LRRC41: variants seen among roughly 807,000 people sequenced by gnomAD.
The protein encoded by LRRC41 is leucine rich repeat containing 41.
Under a neutral mutation model 72.1 loss-of-function variants are expected in LRRC41, and 17 were observed. That is an observed-to-expected ratio of 0.24 (90% CI 0.16 to 0.35). The LOEUF is 0.35. Ranked by LOEUF, LRRC41 falls within the 10% of genes least tolerant of loss-of-function variation. LRRC41 has a pLI of 1.00. For synonymous variants in LRRC41, 427 were observed against 431.0 expected (o/e 0.99, Z 0.11); for missense variants, 759 against 1,065.0 (o/e 0.71, Z 4.00).
At chr1:46,297,939 A>G (rs957704719) in intron 2 of LRRC41, among the ~76,000 whole-genome samples, 7 of 152,230 alleles carry the variant, frequency 4.6e-5, no homozygotes, top group African/African-American at 1.7e-4. Flanking sequence ...GCCTAGGACA[A>G]TGCTTGACAC....
chr1:46,287,008 G>A (rs1353066580), intron 3 of LRRC41, among the ~76,000 whole-genome samples: 2 of 150,684 alleles, frequency 1.3e-5, no homozygotes, highest in African/African-American at 4.9e-5. Flanking sequence ...TCATCATATT[G>A]ACCAGGCTGG....
chr1:46,293,139 G>A (rs1026918798), intron 3 of LRRC41, among the ~76,000 whole-genome samples: 6 of 150,438 alleles, frequency 4.0e-5, no homozygotes, highest in East Asian at 3.9e-4. Context: ...AGCTGAGATC[G>A]CACCACTGCA....
chr1:46,295,183 C>T (rs1014117982), intron 3 of LRRC41, among the ~76,000 whole-genome samples: 2 of 151,990 alleles, frequency 1.3e-5, no homozygotes, highest in Non-Finnish European at 2.9e-5. Flanking sequence ...CCTTGGTCTC[C>T]CGAGTATCTG....
intron 1 of LRRC41, among the ~76,000 whole-genome samples, chr1:46,301,513 TAA>T (rs1321941503): frequency 3.3e-5 from 5 of 151,438 alleles, no homozygotes; most frequent in African/African-American, 9.7e-5. Flanking sequence ...GGCCGACTTC[TAA>T]AAGCCTCTTC....
At chr1:46,295,995 G>A (rs1295372791) in intron 3 of LRRC41, among the ~76,000 whole-genome samples, 2 of 152,110 alleles carry the variant, frequency 1.3e-5, no homozygotes, top group Non-Finnish European at 2.9e-5. Flanking sequence ...CACCATAGAA[G>A]GCCCAGTTCA....
intron 1 of LRRC41, chr1:46,300,293 C>G (rs1661197242): frequency 6.6e-6 from 1 of 152,188 alleles, no homozygotes; most frequent in African/African-American, 2.4e-5. Context: ...TATCATGCCA[C>G]TGCACTGCAG....
chr1:46,298,619 T>C (rs1661170087), intron 1 of LRRC41: 1 of 379,664 alleles, frequency 2.6e-6, no homozygotes, highest in South Asian at 4.2e-5. Context: ...ACATGCTAAA[T>C]GAGCTTGACA....
chr1:46,303,080 C>T (rs938256936), intron 1 of LRRC41, 44 bp downstream of exon 1: 1 of 1,345,526 alleles, frequency 7.4e-7, no homozygotes, highest in Admixed American at 3.6e-5. Context: ...CGCTGGGCCG[C>T]CCCTTGCTCT....
chr1:46,279,406 G>A lies in LRRC41; in HGVS notation c.2143+86C>T. The A allele has an allele frequency of 1.2e-6, 2 of 1,600,176 alleles. No individual in the cohort carries two copies. Among genetic ancestry groups the A allele is most frequent in the East Asian group, 2.2e-5 (1 of 44,824 alleles). ...GTATTCCAACTCCCACGTTCCCAGT[G>A]GAGAGGTCTTTGCCTTTATCCAGTG... is the stretch of plus-strand genomic sequence containing the variant. On this transcript the variant is annotated intron_variant, in intron 8 of 9. Coordinates refer to ENST00000617190, the MANE Select transcript of LRRC41 (RefSeq NM_006369.5). The surrounding 1 kb of genome is among the most constrained non-coding windows in gnomAD (Gnocchi z 4.5).
Position 46,285,058 on chromosome 1 carries a change from C to G in LRRC41, c.1495+304G>C, listed in dbSNP as rs1163561831. ...CTAGCCCTGCCTGAGCATGCATATA[C>G]TATACTGCTCCCACCTGCCCTTGGA... On this transcript the variant is annotated intron_variant, in intron 4 of 9. Transcript: ENST00000617190. This position sits in a 1 kb window ranked among gnomAD's most constrained non-coding sequence, Gnocchi z 5.3. The G allele has an allele frequency of 9.6e-6, 4 of 415,050 alleles. No homozygotes were observed. Among genetic ancestry groups the G allele is most frequent in the Non-Finnish European group, 1.4e-5 (3 of 220,736 alleles). 25.7% of individuals were successfully genotyped at this position (415,050 alleles called of 1,614,324 possible).
In LRRC41 at chr1:46,286,587, G is replaced by A. The variant is rs1035093351; in HGVS notation, c.358-88C>T. On this transcript the variant is annotated intron_variant, in intron 3 of 9. Transcript: ENST00000617190. The surrounding 1 kb of genome is among the most constrained non-coding windows in gnomAD (Gnocchi z 5.5). ...CTCTTCCAATAGCACACTATTTACT[G>A]AGTCAGGCAACACTACAAATTCATT... 6.6e-6 allele frequency: 8 copies of A among 1,216,940 alleles called. No homozygotes were observed. The Admixed American group carries it at 7.3e-5, about 11-fold the overall frequency. The allele number at this position is 1,216,940 out of a possible 1,614,324, so 75.4% of individuals were successfully genotyped here.
intron 2 of LRRC41, 22 bp downstream of exon 2, chr1:46,298,261 GA>G (rs773614063): frequency 1.3e-6 from 2 of 1,491,620 alleles, no homozygotes; most frequent in Non-Finnish European, 9.3e-7. Flanking sequence ...CATTGACTGA[GA>G]AAGAGACAGA....
intron 3 of LRRC41, 40 bp downstream of exon 3, chr1:46,297,523 G>T (rs1480573233): frequency 1.3e-6 from 2 of 1,518,460 alleles, no homozygotes; most frequent in South Asian, 1.1e-5. Context: ...CTTTTACCAT[G>T]CAAAATCAGG....
intron 3 of LRRC41, among the ~76,000 whole-genome samples, chr1:46,294,334 G>A (rs998571845): frequency 2.7e-5 from 4 of 150,824 alleles, no homozygotes; most frequent in African/African-American, 4.9e-5. Context: ...TCTCAAACTC[G>A]TAAGCTCAAG....
Position 46,278,207 on chromosome 1 carries a change from CT to C in LRRC41, c.*657del. On this transcript the variant is annotated 3_prime_UTR_variant, in exon 10 of 10. Transcript: ENST00000617190. Reference sequence around the variant, plus strand: ...TCCGGGATGAGGTACTCCAGGCTGCCTGGGATGCTGCCTCCACTGCCATCAC... The same window carrying C: ...TCCGGGATGAGGTACTCCAGGCTGCCGGGATGCTGCCTCCACTGCCATCAC... 6.2e-7 allele frequency: 1 copy of C among 1,613,970 alleles called. No individual in the cohort carries two copies. Among genetic ancestry groups the C allele is most frequent in the Non-Finnish European group, 8.5e-7 (1 of 1,180,002 alleles).
Position 46,281,427 on chromosome 1 carries a change from T to C in LRRC41, c.1496-42A>G. ...ATTAAGTCAGAACCATGTGGGAGTG[T>C]CAGCAGGGGTAATATATTCAAATAC... On this transcript the variant is annotated intron_variant, in intron 4 of 9. Transcript: ENST00000617190. 1.9e-6 allele frequency: 3 copies of C among 1,593,922 alleles called. No homozygotes were observed. The South Asian group carries it at 3.3e-5, about 18-fold the overall frequency.
chr1:46,278,690 G>A lies in LRRC41; in HGVS notation c.*175C>T. On this transcript the variant is annotated 3_prime_UTR_variant, in exon 10 of 10. Coordinates refer to ENST00000617190, the MANE Select transcript of LRRC41 (RefSeq NM_006369.5). ...TATAAACCCAGCTGTGAGAATGCCT[G>A]TTTGCTGGGCCTCATCAAGGCCTCC... 1 of 653,024 alleles carries A rather than the reference G, an allele frequency of 1.5e-6. No individual in the cohort carries two copies. The allele number at this position is 653,024 out of a possible 1,614,324, so 40.5% of individuals were successfully genotyped here. A position where few individuals can be genotyped will look rare whatever the true frequency, so the allele number is the denominator to read the frequency against.
At position 46,302,602 on chromosome 1, in the gene LRRC41, T is replaced by C. The variant is rs1164198695; in HGVS notation, c.199+522A>G. The C allele has an allele frequency of 1.0e-6, 1 of 985,076 alleles. No homozygotes were observed. The highest frequency in any genetic ancestry group is 1.2e-6 in the Non-Finnish European group (1 of 829,890). 61.0% of individuals were successfully genotyped at this position (985,076 alleles called of 1,614,324 possible). Reference sequence around the variant, plus strand: ...GCTGTCCTCCCCTCCGCCCATCGGCTTGGCCTCCGGAATCTCGACCCCCGT... The same window carrying C: ...GCTGTCCTCCCCTCCGCCCATCGGCCTGGCCTCCGGAATCTCGACCCCCGT... On this transcript the variant is annotated intron_variant, in intron 1 of 9. Coordinates refer to ENST00000617190, the MANE Select transcript of LRRC41 (RefSeq NM_006369.5). This position sits in a 1 kb window ranked among gnomAD's most constrained non-coding sequence, Gnocchi z 4.7.
chr1:46,281,614 G>C (rs1347758767), intron 4 of LRRC41, among the ~76,000 whole-genome samples: 1 of 152,142 alleles, frequency 6.6e-6, no homozygotes, highest in Non-Finnish European at 1.5e-5. Context: ...CACCAGTCAG[G>C]GCAGAGTCAC....
Sources: gnomAD v4.1 joint callset for allele counts (sites outside exome capture counted in the v4.1 genomes callset) on GRCh38, gnomAD v4.1.1 for gene constraint, Gnocchi (gnomAD v3.1) non-coding constraint, MANE v1.5 for transcripts, NCBI Gene and HGNC (gene_info 2026-07-23, HGNC 2026-07-21) for gene names.